Variants in MED17 observed in about 807,000 individuals in gnomAD.
MED17 encodes mediator of RNA polymerase II transcription subunit 17.
MED17 carries 49 observed loss-of-function variants against 80.8 expected under a neutral mutation model. That is an observed-to-expected ratio of 0.61 (90% CI 0.48 to 0.77). The LOEUF (loss-of-function observed/expected upper bound fraction) is 0.77. Ranked by LOEUF, MED17 falls within the 30% of genes least tolerant of loss-of-function variation. MED17 has a pLI of 0.00. For missense variants in MED17, 718 were observed against 787.0 expected (o/e 0.91, Z 1.05); for synonymous variants, 281 against 280.4 (o/e 1.00, Z -0.02).
chr11:93,790,085 G>GTCAT (rs1279486300), intron 2 of MED17, among the ~76,000 whole-genome samples: 4 of 152,182 alleles, frequency 2.6e-5, no homozygotes, highest in Non-Finnish European at 5.9e-5. Context: ...ACCCATTGCA[G>GTCAT]TCATTCATTC....
intron 7 of MED17, 129 bp downstream of exon 7, chr11:93,796,669 A>C (rs1943906486): frequency 2.7e-6 from 3 of 1,100,010 alleles, no homozygotes; most frequent in African/African-American, 3.1e-5. Context: ...CTGATGTGAA[A>C]GATCCTTGCT....
Position 93,798,572 on chromosome 11 carries a change from T to C in MED17, c.1328+853T>C, listed in dbSNP as rs150326691. ...GTCCTTCAGCTTTTAGTAAAAGGAA[T>C]TGGGGAGACACGTTAGAGAAGACAG... On this transcript the variant is annotated intron_variant, in intron 8 of 11. Coordinates refer to ENST00000251871, the MANE Select transcript of MED17 (RefSeq NM_004268.5). Among the ~76,000 whole-genome samples the C allele has an allele frequency of 4.6e-5, 7 of 152,226 alleles. No homozygotes were observed. The East Asian group carries it at 5.8e-4, about 13-fold the overall frequency.
chr11:93,790,708 T>G lies in MED17; in HGVS notation c.552T>G (p.Asn184Lys). 1 of 1,614,216 alleles carries G rather than the reference T, an allele frequency of 6.2e-7. No homozygotes were observed. The highest frequency in any genetic ancestry group is 2.2e-5 in the East Asian group (1 of 44,892). The change falls in exon 3 of 12, where the codon AAT (asparagine) becomes AAG (lysine). Residue 184 changes from asparagine (N) to lysine (K), a missense_variant. By Grantham distance (94) the Asn-to-Lys change is moderately conservative (BLOSUM62 0). Coordinates refer to ENST00000251871, the MANE Select transcript of MED17 (RefSeq NM_004268.5). Reference protein sequence around the residue: ...NQENKLQRDFNSELLRLRQHW... With the variant: ...NQENKLQRDFKSELLRLRQHW... ...AAAACAAGCTACAAAGAGACTTCAA[T>G]TCTGAGCTTTTGCGATTACGGCAAC...
intron 9 of MED17, 53 bp downstream of exon 9, chr11:93,802,025 G>C: frequency 6.7e-7 from 1 of 1,500,792 alleles, no homozygotes; most frequent in Non-Finnish European, 9.2e-7. Context: ...TGCTATTGAT[G>C]TTTGCTGAGT....
chr11:93,790,364 A>G (rs1943821187), intron 2 of MED17: 2 of 598,676 alleles, frequency 3.3e-6, no homozygotes, highest in South Asian at 1.6e-5. Context: ...AGTAGAGGCC[A>G]TTGTAGTGTT....
chr11:93,784,834 C>T lies in MED17; in HGVS notation c.250+71C>T. ...CACCCGCGCGGGCCTCCGCCTCTCC[C>T]GCGATGGGGGTGATCTTGTGCGTGC... On this transcript the variant is annotated intron_variant, in intron 1 of 11. Transcript: ENST00000251871. The T allele has an allele frequency of 2.0e-6, 3 of 1,522,856 alleles. No individual in the cohort carries two copies. The South Asian group carries it at 3.6e-5, about 18-fold the overall frequency. The allele number at this position is 1,522,856 out of a possible 1,614,324, so 94.3% of individuals were successfully genotyped here.
At chr11:93,806,388 G>A (rs1944026046) in intron 9 of MED17, 2 of 152,164 alleles carry the variant, frequency 1.3e-5, no homozygotes, top group African/African-American at 4.8e-5. Flanking sequence ...AGGACATAAA[G>A]CTGTTTTTTC....
chr11:93,808,541 T>C (rs931463806), intron 10 of MED17: 33 of 150,722 alleles, frequency 2.2e-4, no homozygotes, highest in African/African-American at 6.3e-4. Flanking sequence ...TTGTGAGATA[T>C]AGGGTAGGTT....
At chr11:93,794,149 A>G in intron 5 of MED17, 114 bp downstream of exon 5, 1 of 833,294 alleles carries the variant, frequency 1.2e-6, no homozygotes. Context: ...AGAACAATTC[A>G]AAATATACTT....
intron 3 of MED17, among the ~76,000 whole-genome samples, chr11:93,791,063 G>A (rs1408390742): frequency 6.6e-6 from 1 of 152,182 alleles, no homozygotes; most frequent in African/African-American, 2.4e-5. Flanking sequence ...AGCCAAGATC[G>A]CACCATTGCT....
At chr11:93,789,104 A>G (rs186585128) in intron 2 of MED17, 1 of 152,330 alleles carries the variant, frequency 6.6e-6, no homozygotes, top group East Asian at 1.9e-4. Context: ...CTTAAGGAAA[A>G]CAAGTGTCAA....
intron 5 of MED17, chr11:93,794,694 G>A (rs1943882185): frequency 3.4e-6 from 2 of 589,416 alleles, no homozygotes; most frequent in African/African-American, 3.7e-5. Flanking sequence ...GATTGGGGTG[G>A]TGGGGAACTT....
rs755437402 is a variant in MED17 at position 93,809,865 on chromosome 11, A to G, written c.1733A>G (p.Tyr578Cys). The G allele has an allele frequency of 1.1e-5, 18 of 1,614,096 alleles. No individual in the cohort carries two copies. The highest frequency in any genetic ancestry group is 8.9e-5 in the East Asian group (4 of 44,898). Residue 578 changes from tyrosine (Y) to cysteine (C), a missense_variant, in exon 11 of 12, where the codon TAT (tyrosine) becomes TGT (cysteine). Physicochemically the swap from Tyr to Cys is radical, Grantham distance 194. Coordinates refer to ENST00000251871, the MANE Select transcript of MED17 (RefSeq NM_004268.5). Reference sequence around the variant, plus strand: ...ACGGTGGCCTCCCCAAGTGGTGACTATGCTATTTCAGGTACTTTCTGCTGC... The same window carrying G: ...ACGGTGGCCTCCCCAAGTGGTGACTGTGCTATTTCAGGTACTTTCTGCTGC... ...AITVASPSGDYAISVRNGPES... is the reference protein window; with the variant it reads ...AITVASPSGDCAISVRNGPES...
chr11:93,813,508 C>G lies in MED17; in HGVS notation c.*1444C>G, dbSNP rs1219970656. 6.6e-6 allele frequency: 1 copy of G among 152,178 alleles called. No homozygotes were observed. 9.4% of individuals were successfully genotyped at this position (152,178 alleles called of 1,614,324 possible). Reference sequence around the variant, plus strand: ...ATAGGCTAATCTGCACAATTCCACTCACATAAGGAGTCTTTTATGTGATTT... The same window carrying G: ...ATAGGCTAATCTGCACAATTCCACTGACATAAGGAGTCTTTTATGTGATTT... On this transcript the variant is annotated 3_prime_UTR_variant, in exon 12 of 12. Coordinates refer to ENST00000251871, the MANE Select transcript of MED17 (RefSeq NM_004268.5).
intron 8 of MED17, among the ~76,000 whole-genome samples, chr11:93,800,002 A>G (rs1943945562): frequency 6.6e-6 from 1 of 152,162 alleles, no homozygotes; most frequent in African/African-American, 2.4e-5. Flanking sequence ...AAATTTTTTC[A>G]TCTATTTTAA....
chr11:93,807,485 C>A, intron 9 of MED17, 33 bp from the exon 10 acceptor site: 1 of 1,082,048 alleles, frequency 9.2e-7, no homozygotes, highest in Non-Finnish European at 1.4e-6. Flanking sequence ...TAATTTTGAA[C>A]ATCTCTGATT....
At chr11:93,808,442 A>G (rs1425009734) in intron 10 of MED17, 1 of 151,086 alleles carries the variant, frequency 6.6e-6, no homozygotes, top group East Asian at 2.0e-4. Context: ...TTGTGACATC[A>G]GACAAATTTC....
chr11:93,812,136 A>C lies in MED17; in HGVS notation c.*72A>C. ...AAATGTTTGCAGATCAACTATAAGC[A>C]CAAAGAAGAGATAACTTCCAAAAGA... On this transcript the variant is annotated 3_prime_UTR_variant, in exon 12 of 12. Transcript: ENST00000251871. 7.9e-7 allele frequency: 1 copy of C among 1,271,796 alleles called. No individual in the cohort carries two copies. Among genetic ancestry groups the C allele is most frequent in the Non-Finnish European group, 1.1e-6 (1 of 871,348 alleles). The allele number at this position is 1,271,796 out of a possible 1,614,324, so 78.8% of individuals were successfully genotyped here. A position where few individuals can be genotyped will look rare whatever the true frequency, so the allele number is the denominator to read the frequency against.
rs1289819331 is a variant in MED17 at position 93,793,847 on chromosome 11, G to A, written c.757G>A (p.Gly253Arg). 3.1e-6 allele frequency: 5 copies of A among 1,613,184 alleles called. No homozygotes were observed. Among genetic ancestry groups the A allele is most frequent in the Non-Finnish European group, 4.2e-6 (5 of 1,179,344 alleles). Residue 253 changes from glycine (G) to arginine (R), a missense_variant, in exon 4 of 12, where the codon GGG becomes AGG. Physicochemically the swap from Gly to Arg is moderately radical, Grantham distance 125. Coordinates refer to ENST00000251871, the MANE Select transcript of MED17 (RefSeq NM_004268.5). ...LDVQIPSDLEGSAYIKVSIQK... is the reference protein window; with the variant it reads ...LDVQIPSDLERSAYIKVSIQK... ...TGTCCAAATTCCTAGTGATTTAGAGGGGTCTGCATATATCAAGGTATTTGT... is the reference window on the plus strand; with the variant it reads ...TGTCCAAATTCCTAGTGATTTAGAGAGGTCTGCATATATCAAGGTATTTGT...
Sources: gnomAD v4.1 joint callset for allele counts (sites outside exome capture counted in the v4.1 genomes callset) on GRCh38, gnomAD v4.1.1 for gene constraint, MANE v1.5 for transcripts, NCBI Gene and HGNC (gene_info 2026-07-23, HGNC 2026-07-21) for gene names.